SUCLG2: variants seen among roughly 807,000 people sequenced by gnomAD.
SUCLG2 encodes succinate--CoA ligase [GDP-forming] subunit beta, mitochondrial.
SUCLG2 carries 42 observed loss-of-function variants against 47.9 expected under a neutral mutation model. The observed-to-expected ratio is 0.88, with a 90% CI of 0.69 to 1.14. The LOEUF is 1.14. Ranked by LOEUF, SUCLG2 falls within the 50% of genes most tolerant of loss-of-function variation. The pLI, the probability that SUCLG2 is intolerant of heterozygous loss-of-function variation, is 0.00. For synonymous variants in SUCLG2, 195 were observed against 197.3 expected, an observed-to-expected ratio of 0.99 and a Z score of 0.10; for missense variants, 571 against 525.9, an observed-to-expected ratio of 1.09 and a Z score of -0.84.
intron 9 of SUCLG2, among the ~76,000 whole-genome samples, chr3:67,478,490 CAA>C (rs1704825706): frequency 6.6e-6 from 1 of 152,158 alleles, no homozygotes; most frequent in African/African-American, 2.4e-5. Flanking sequence ...ATTAAACAAA[CAA>C]ATGAAAAATC....
chr3:67,474,283 A>G (rs958160021), intron 9 of SUCLG2, among the ~76,000 whole-genome samples: 1 of 152,034 alleles, frequency 6.6e-6, no homozygotes, highest in Non-Finnish European at 1.5e-5. Context: ...AGAAAGAAAG[A>G]AAAAGAATAC....
At chr3:67,595,948 T>C (rs754104271) in intron 2 of SUCLG2, among the ~76,000 whole-genome samples, 2 of 152,238 alleles carry the variant, frequency 1.3e-5, no homozygotes, top group Non-Finnish European at 2.9e-5. Context: ...ACAAGATGAA[T>C]GTGTCTCCTA....
At chr3:67,476,807 T>C (rs937695759) in intron 9 of SUCLG2, among the ~76,000 whole-genome samples, 2 of 152,172 alleles carry the variant, frequency 1.3e-5, no homozygotes, top group South Asian at 4.1e-4. Flanking sequence ...CATGAGTTAA[T>C]AATTCCAGAG....
chr3:67,385,738 ACTT>A (rs1269003150), intron 10 of SUCLG2, among the ~76,000 whole-genome samples: 3 of 152,140 alleles, frequency 2.0e-5, no homozygotes, highest in African/African-American at 7.2e-5. Context: ...TCCTCCAACT[ACTT>A]CTTTTTTCTT....
In SUCLG2 at chr3:67,498,301, T is replaced by G. The variant is rs771842329; in HGVS notation, c.758-6A>C. ...CTTGGCATCAAAACAGACAACTAAA[T>G]AAAGAAGAAAACAATCATACTTGAA... On this transcript the variant is annotated splice_region_variant and splice_polypyrimidine_tract_variant and intron_variant, in intron 7 of 10. Coordinates refer to ENST00000307227, the MANE Select transcript of SUCLG2 (RefSeq NM_003848.4). 1.2e-6 allele frequency: 2 copies of G among 1,608,464 alleles called. No homozygotes were observed. The highest frequency in any genetic ancestry group is 4.5e-5 in the East Asian group (2 of 44,184).
intron 2 of SUCLG2, among the ~76,000 whole-genome samples, chr3:67,566,773 A>G (rs1272738013): frequency 3.9e-5 from 6 of 152,232 alleles, no homozygotes; most frequent in Non-Finnish European, 7.3e-5. Context: ...CACTTTTAAG[A>G]AATTTAAAAG....
intron 10 of SUCLG2, among the ~76,000 whole-genome samples, chr3:67,387,743 C>G (rs1702291366): frequency 6.6e-6 from 1 of 152,096 alleles, no homozygotes; most frequent in South Asian, 2.1e-4. Flanking sequence ...CATCAGAGGT[C>G]TATCTGAGAT....
intron 2 of SUCLG2, among the ~76,000 whole-genome samples, chr3:67,594,093 C>A (rs1303908030): frequency 6.6e-6 from 1 of 152,178 alleles, no homozygotes; most frequent in African/African-American, 2.4e-5. Context: ...GGCCTGGACC[C>A]AACCTGCAGT....
chr3:67,378,157 G>A (rs1271757909), intron 10 of SUCLG2, among the ~76,000 whole-genome samples: 1 of 152,178 alleles, frequency 6.6e-6, no homozygotes, highest in Non-Finnish European at 1.5e-5. Flanking sequence ...CTTTGTAAAT[G>A]CTGTGGAAGG....
At chr3:67,395,672 TAA>T (rs1223554103) in intron 10 of SUCLG2, among the ~76,000 whole-genome samples, 1 of 152,178 alleles carries the variant, frequency 6.6e-6, no homozygotes, top group African/African-American at 2.4e-5. Flanking sequence ...CAAGTGGACC[TAA>T]TAGACATCTA....
chr3:67,381,394 A>G (rs1451287334), intron 10 of SUCLG2, among the ~76,000 whole-genome samples: 2 of 152,150 alleles, frequency 1.3e-5, no homozygotes, highest in Non-Finnish European at 2.9e-5. Flanking sequence ...TCTGACATCT[A>G]TTCCCCAACC....
At chr3:67,389,760 G>C (rs1223390507) in intron 10 of SUCLG2, among the ~76,000 whole-genome samples, 2 of 151,980 alleles carry the variant, frequency 1.3e-5, no homozygotes, top group South Asian at 2.1e-4. Context: ...GAAAGATAAA[G>C]TGGTACAAAG....
intron 9 of SUCLG2, among the ~76,000 whole-genome samples, chr3:67,442,778 T>C (rs1176435508): frequency 6.6e-6 from 1 of 152,230 alleles, no homozygotes; most frequent in Admixed American, 6.5e-5. Flanking sequence ...TGTAAACATC[T>C]ATACTAATGC....
chr3:67,595,968 GA>G (rs1446559736), intron 2 of SUCLG2, among the ~76,000 whole-genome samples: 2 of 152,214 alleles, frequency 1.3e-5, no homozygotes, highest in Non-Finnish European at 2.9e-5. Context: ...AAGACATCAG[GA>G]TGGCAGATCT....
chr3:67,360,970 C>A (rs1036049563), intron 10 of SUCLG2, among the ~76,000 whole-genome samples: 2 of 152,154 alleles, frequency 1.3e-5, no homozygotes, highest in African/African-American at 2.4e-5. Flanking sequence ...GGGAAAACAA[C>A]GTCATCGTCT....
intron 9 of SUCLG2, among the ~76,000 whole-genome samples, chr3:67,425,135 C>G (rs1285644636): frequency 6.6e-6 from 1 of 152,270 alleles, no homozygotes; most frequent in East Asian, 1.9e-4. Context: ...GGCTTCCTAA[C>G]TGACTTATGA....
In SUCLG2 at chr3:67,520,567, C is replaced by T; in HGVS notation, c.485G>A (p.Cys162Tyr). Reference sequence around the variant, plus strand: ...GCTGCCCACCAGCACGGGGCCATTGCAGGACCGGTCCATCAGAATTGCCAG... The same window carrying T: ...GCTGCCCACCAGCACGGGGCCATTGTAGGACCGGTCCATCAGAATTGCCAG... ...TYLAILMDRS[C>Y]NGPVLVGSPQ... is the part of the protein sequence containing the mutation. Residue 162 changes from cysteine to tyrosine, a missense_variant, in exon 5 of 11, where the codon TGC (cysteine) becomes TAC (tyrosine). Transcript: ENST00000307227. 1 of 1,614,188 alleles carries T rather than the reference C, an allele frequency of 6.2e-7. No homozygotes were observed. The highest frequency in any genetic ancestry group is 8.5e-7 in the Non-Finnish European group (1 of 1,180,008).
intron 9 of SUCLG2, among the ~76,000 whole-genome samples, chr3:67,481,704 A>G (rs1208192602): frequency 6.6e-6 from 1 of 152,194 alleles, no homozygotes; most frequent in African/African-American, 2.4e-5. Flanking sequence ...TTGAGCCTTA[A>G]AAAGACTGCA....
chr3:67,528,288 A>AC, intron 3 of SUCLG2, 66 bp from the exon 4 acceptor site: 1 of 1,416,810 alleles, frequency 7.1e-7, no homozygotes, highest in East Asian at 2.3e-5. Flanking sequence ...GAGAGTCCTT[A>AC]CACAGAGCCT....
Sources: allele counts gnomAD v4.1 joint callset (sites outside exome capture counted in the v4.1 genomes callset), GRCh38; gene constraint gnomAD v4.1.1; transcripts MANE v1.5; gene names NCBI Gene and HGNC (gene_info 2026-07-23, HGNC 2026-07-21).